KLF12: variants seen among roughly 807,000 people sequenced by gnomAD.
KLF12 encodes KLF transcription factor 12, also known as Krueppel-like factor 12.
In KLF12, 9 loss-of-function variants were observed where a neutral mutation model predicts 37.8. That is an observed-to-expected ratio of 0.24 (90% CI 0.14 to 0.42). The LOEUF (loss-of-function observed/expected upper bound fraction) is 0.42, where lower values mean the gene tolerates loss of function less well. KLF12 is among the 10% of genes least tolerant of loss of function. KLF12 has a pLI of 1.00. For missense variants in KLF12, 411 were observed against 516.0 expected (o/e 0.80, Z 1.97); for synonymous variants, 208 against 202.1 (o/e 1.03, Z -0.25).
At chr13:73,718,755 G>A (rs965624513) in intron 6 of KLF12, among the ~76,000 whole-genome samples, 2 of 152,168 alleles carry the variant, frequency 1.3e-5, no homozygotes, top group Non-Finnish European at 2.9e-5. Context: ...TTAGCTGGGC[G>A]TGGTGGCATG....
At chr13:74,221,006 G>GTTTTTTTT in the KLF12 span, among the ~76,000 whole-genome samples, 1 of 137,744 alleles carries the variant, frequency 7.3e-6, no homozygotes. Context: ...TTGCTTGTTT[G>GTTTTTTTT]TTTTTTTTTT....
the KLF12 span, among the ~76,000 whole-genome samples, chr13:74,291,365 G>A: frequency 1.1e-4 from 16 of 152,354 alleles, no homozygotes; most frequent in South Asian, 2.7e-3. Context: ...TGAGATGCAA[G>A]TGTGATTGGG....
At chr13:74,009,466 C>T (rs978475374) in intron 1 of KLF12, among the ~76,000 whole-genome samples, 1 of 152,146 alleles carries the variant, frequency 6.6e-6, no homozygotes, top group Admixed American at 6.5e-5. Flanking sequence ...TTGTCAGTTC[C>T]CAAAGTCCAC....
At chr13:74,074,260 C>T (rs551416389) in intron 1 of KLF12, among the ~76,000 whole-genome samples, 1 of 152,114 alleles carries the variant, frequency 6.6e-6, no homozygotes, top group South Asian at 2.1e-4. Flanking sequence ...ATCCAAGCAA[C>T]TCTAGGGAAG....
chr13:73,997,967 G>A (rs1176617085), intron 1 of KLF12, among the ~76,000 whole-genome samples: 1 of 152,148 alleles, frequency 6.6e-6, no homozygotes, highest in East Asian at 1.9e-4. Context: ...GGAGAGACTG[G>A]AGAAATTCCA....
chr13:73,725,847 ATTTATT>A (rs1316064941), intron 6 of KLF12, among the ~76,000 whole-genome samples: 35 of 138,954 alleles, frequency 2.5e-4, no homozygotes, highest in African/African-American at 1.1e-3. Flanking sequence ...TTATTTATTT[ATTTATT>A]TATTTATTTA....
At chr13:73,716,157 T>G (rs1875788088) in intron 6 of KLF12, among the ~76,000 whole-genome samples, 1 of 152,230 alleles carries the variant, frequency 6.6e-6, no homozygotes, top group South Asian at 2.1e-4. Context: ...AGATTAGCTG[T>G]ACCACCATTA....
At chr13:73,696,481 CA>C (rs1458722504) in intron 7 of KLF12, among the ~76,000 whole-genome samples, 5 of 152,290 alleles carry the variant, frequency 3.3e-5, no homozygotes, top group African/African-American at 1.2e-4. Flanking sequence ...AATGAGCTCC[CA>C]GGGGGAGTGG....
intron 4 of KLF12, among the ~76,000 whole-genome samples, chr13:73,815,195 G>C (rs58158316): frequency 0.07 from 10,674 of 152,250 alleles, 436 homozygotes; most frequent in African/African-American, 0.11. Context: ...CTCTGGAGGA[G>C]ATCCACTAGA....
At chr13:73,722,900 C>A (rs1330383305) in intron 6 of KLF12, among the ~76,000 whole-genome samples, 1 of 152,104 alleles carries the variant, frequency 6.6e-6, no homozygotes, top group African/African-American at 2.4e-5. Flanking sequence ...GCCTTTTGGG[C>A]GCCCAAGGGG....
At chr13:73,858,016 GA>G (rs950107349) in intron 3 of KLF12, among the ~76,000 whole-genome samples, 15 of 152,020 alleles carry the variant, frequency 9.9e-5, no homozygotes, top group African/African-American at 3.6e-4. Context: ...ATAATACATG[GA>G]AAAAAATGTT....
At chr13:74,283,454 T>C in the KLF12 span, among the ~76,000 whole-genome samples, 1 of 152,194 alleles carries the variant, frequency 6.6e-6, no homozygotes, top group East Asian at 1.9e-4. Context: ...GAGTTTCATG[T>C]TAATAAAACA....
rs183699600 is a variant in KLF12 at position 73,793,566 on chromosome 13, C to T, written c.806+19586G>A. On this transcript the variant is annotated intron_variant, in intron 5 of 7. Transcript: ENST00000377669. ...GTTAATAAGCTTGGAGCTATGAATG[C>T]ATTTCCTGGATTAAGACTCCTTTCC... Among the ~76,000 whole-genome samples the T allele has an allele frequency of 1.8e-3, 275 of 152,318 alleles. 1 individual carries two copies. The highest frequency in any genetic ancestry group is 0.01 in the Middle Eastern group (3 of 294).
rs142922329 is a variant in KLF12 at position 73,689,477 on chromosome 13, T to C, written c.*6013A>G. The C allele has an allele frequency of 1.3e-5, 2 of 152,306 alleles. No homozygotes were observed. The highest frequency in any genetic ancestry group is 2.9e-5 in the Non-Finnish European group (2 of 68,036). The allele number at this position is 152,306 out of a possible 1,614,324, so 9.4% of individuals were successfully genotyped here. On this transcript the variant is annotated 3_prime_UTR_variant, in exon 8 of 8. Coordinates refer to ENST00000377669, the MANE Select transcript of KLF12 (RefSeq NM_007249.5). ...TCTGAGATGGCAGGGTTGGAGAATTTCCAGGGTTCATGTCTATTCATATAG... is the reference window on the plus strand; with the variant it reads ...TCTGAGATGGCAGGGTTGGAGAATTCCCAGGGTTCATGTCTATTCATATAG...
rs202001352 is a variant in KLF12 at position 73,935,999 on chromosome 13, TCTC to T, written c.123+7979_123+7981del. ...ATCTTTTTGTACCTTCCATTTCTCT[TCTC>T]ATCATTTTCATGTTTTCCTTCACAT... On this transcript the variant is annotated intron_variant, in intron 3 of 7. Coordinates refer to ENST00000377669, the MANE Select transcript of KLF12 (RefSeq NM_007249.5). 7.8e-3 allele frequency among the ~76,000 whole-genome samples: 1,195 copies of T among 152,314 alleles called. 19 individuals carry two copies. The highest frequency in any genetic ancestry group is 0.027 in the African/African-American group (1,107 of 41,556).
chr13:73,884,235 T>C (rs1360415263), intron 3 of KLF12, among the ~76,000 whole-genome samples: 1 of 152,206 alleles, frequency 6.6e-6, no homozygotes, highest in Admixed American at 6.5e-5. Flanking sequence ...CAACTGTACC[T>C]ATATTCTTCT....
chr13:73,770,317 A>T (rs2138112440), intron 5 of KLF12, among the ~76,000 whole-genome samples: 1 of 152,308 alleles, frequency 6.6e-6, no homozygotes, highest in East Asian at 1.9e-4. Flanking sequence ...AAATAAAAAT[A>T]TGAGTGTGAC....
At chr13:73,918,951 G>A (rs1184124231) in intron 3 of KLF12, among the ~76,000 whole-genome samples, 1 of 152,158 alleles carries the variant, frequency 6.6e-6, no homozygotes, top group African/African-American at 2.4e-5. Flanking sequence ...GAGTTAGTTT[G>A]ACTACTCTGA....
At chr13:74,107,802 G>A (rs1258838074) in intron 1 of KLF12, among the ~76,000 whole-genome samples, 1 of 152,180 alleles carries the variant, frequency 6.6e-6, no homozygotes, top group Non-Finnish European at 1.5e-5. Flanking sequence ...TCGATGAAGA[G>A]CAAAGAGAAG....
Sources: gnomAD v4.1 joint callset for allele counts (sites outside exome capture counted in the v4.1 genomes callset) on GRCh38, gnomAD v4.1.1 for gene constraint, MANE v1.5 for transcripts, NCBI Gene and HGNC (gene_info 2026-07-23, HGNC 2026-07-21) for gene names.